The following MAGI3 variants were observed in gnomAD, a reference collection of about 807,000 sequenced individuals.
MAGI3 encodes the protein membrane-associated guanylate kinase, WW and PDZ domain-containing protein 3.
Under a neutral mutation model 121.8 loss-of-function variants are expected in MAGI3, and 43 were observed. The ratio of observed to expected loss-of-function variants is 0.35; its 90% CI spans 0.28 to 0.46. The LOEUF is 0.46. MAGI3 is among the 20% of genes least tolerant of loss of function. MAGI3 has a pLI of 1.00. For synonymous variants in MAGI3, 553 were observed against 639.3 expected (o/e 0.86, Z 2.04); for missense variants, 1,547 against 1,797.3 (o/e 0.86, Z 2.52).
chr1:113,445,072 T>C (rs1654104390), intron 1 of MAGI3, among the ~76,000 whole-genome samples: 1 of 151,654 alleles, frequency 6.6e-6, no homozygotes, highest in Non-Finnish European at 1.5e-5. Flanking sequence ...AAAGAAAAAA[T>C]ACTGAAGAAA....
At chr1:113,669,182 G>A (rs1258675503) in intron 16 of MAGI3, among the ~76,000 whole-genome samples, 5 of 152,126 alleles carry the variant, frequency 3.3e-5, no homozygotes, top group South Asian at 2.1e-4. Flanking sequence ...GAAGACAATC[G>A]AACTCTATAC....
intron 2 of MAGI3, among the ~76,000 whole-genome samples, chr1:113,555,705 C>T (rs559152905): frequency 1.4e-3 from 209 of 152,020 alleles, no homozygotes; most frequent in Non-Finnish European, 2.1e-3. Context: ...TTGAGACCAG[C>T]CTGGGCAACA....
At chr1:113,414,510 AT>A (rs1438403781) in intron 1 of MAGI3, among the ~76,000 whole-genome samples, 3 of 151,696 alleles carry the variant, frequency 2.0e-5, no homozygotes, top group African/African-American at 7.2e-5. Flanking sequence ...CTGGTCCTGG[AT>A]TTTTTTTGTT....
intron 9 of MAGI3, among the ~76,000 whole-genome samples, chr1:113,632,580 G>T (rs951648124): frequency 6.6e-6 from 1 of 152,172 alleles, no homozygotes; most frequent in Admixed American, 6.5e-5. Flanking sequence ...CCGTCAACTG[G>T]TAATGATTCT....
At chr1:113,415,192 A>G (rs12024544) in intron 1 of MAGI3, among the ~76,000 whole-genome samples, 3 of 152,206 alleles carry the variant, frequency 2.0e-5, no homozygotes, top group East Asian at 1.9e-4. Context: ...CAGAAGTAAT[A>G]CTAATAAAGT....
chr1:113,492,748 A>G (rs866847448), intron 1 of MAGI3, among the ~76,000 whole-genome samples: 1 of 152,196 alleles, frequency 6.6e-6, no homozygotes, highest in African/African-American at 2.4e-5. Flanking sequence ...TTATATACCA[A>G]CAACAGTCCA....
chr1:113,545,794 A>G (rs10745339), intron 1 of MAGI3, among the ~76,000 whole-genome samples: 34,053 of 152,136 alleles, frequency 0.22, 4,888 homozygotes, highest in East Asian at 0.65. Flanking sequence ...CCAAGGCGTA[A>G]TATTAGCATT....
At position 113,647,260 on chromosome 1, in the gene MAGI3, G is replaced by A. The variant is rs1176633675; in HGVS notation, c.2155+618G>A. On this transcript the variant is annotated intron_variant, in intron 12 of 20. Transcript: ENST00000307546. ...TTGGCAAGGAAAGTCACAGAGGAGA[G>A]CAGGAACAGATTGAGGAAGGCCAAT... Among the ~76,000 whole-genome samples, 6 of 152,208 alleles carry A rather than the reference G, an allele frequency of 3.9e-5. No individual in the cohort carries two copies. The East Asian group carries it at 1.2e-3, about 29-fold the overall frequency.
At chr1:113,465,889 G>GT (rs926300637) in intron 1 of MAGI3, among the ~76,000 whole-genome samples, 1 of 152,026 alleles carries the variant, frequency 6.6e-6, no homozygotes, top group Non-Finnish European at 1.5e-5. Flanking sequence ...TGTTCTAATA[G>GT]TTTTTTTGGT....
chr1:113,408,109 G>T (rs1651786489), intron 1 of MAGI3, among the ~76,000 whole-genome samples: 2 of 152,048 alleles, frequency 1.3e-5, no homozygotes, highest in South Asian at 2.1e-4. Context: ...CCCATGCAAG[G>T]CCCAGATACC....
chr1:113,486,809 G>A (rs556678516), intron 1 of MAGI3, among the ~76,000 whole-genome samples: 7 of 152,048 alleles, frequency 4.6e-5, no homozygotes, highest in Middle Eastern at 3.4e-3. Flanking sequence ...GTGCCACCAC[G>A]TGGCTTTATT....
chr1:113,601,927 A>G (rs1172777931), intron 6 of MAGI3, among the ~76,000 whole-genome samples: 1 of 151,016 alleles, frequency 6.6e-6, no homozygotes, highest in East Asian at 1.9e-4. Context: ...TTGTAGGGAC[A>G]TGGATGAAAT....
chr1:113,462,939 A>G (rs551074860), intron 1 of MAGI3, among the ~76,000 whole-genome samples: 100 of 152,302 alleles, frequency 6.6e-4, no homozygotes, highest in Non-Finnish European at 1.1e-3. Flanking sequence ...CCTGTAATAT[A>G]TCTTAGATTT....
At chr1:113,449,360 GGTGTGTGTGTGTGTGT>G (rs71087199) in intron 1 of MAGI3, among the ~76,000 whole-genome samples, 1 of 147,234 alleles carries the variant, frequency 6.8e-6, no homozygotes, top group East Asian at 2.0e-4. Context: ...TTACTTTTAT[GGTGTGTGTGTGTGTGT>G]GTGTGTGTGT....
intron 1 of MAGI3, 102 bp from the exon 2 acceptor site, chr1:113,549,413 G>T: frequency 5.2e-6 from 3 of 573,018 alleles, no homozygotes; most frequent in Non-Finnish European, 9.2e-6. Flanking sequence ...CCTGTTTATA[G>T]CTAACTGGTT....
At chr1:113,664,764 T>C (rs1653949747) in intron 16 of MAGI3, among the ~76,000 whole-genome samples, 1 of 152,232 alleles carries the variant, frequency 6.6e-6, no homozygotes, top group African/African-American at 2.4e-5. Context: ...TGTTGTCTTA[T>C]TATTTAATTT....
chr1:113,430,412 T>G (rs959088554), intron 1 of MAGI3, among the ~76,000 whole-genome samples: 2 of 152,206 alleles, frequency 1.3e-5, no homozygotes, highest in Non-Finnish European at 2.9e-5. Flanking sequence ...TACTGTAAAC[T>G]GAGACTTTTT....
At chr1:113,511,975 C>G (rs1657637403) in intron 1 of MAGI3, among the ~76,000 whole-genome samples, 1 of 152,198 alleles carries the variant, frequency 6.6e-6, no homozygotes, top group Non-Finnish European at 1.5e-5. Flanking sequence ...AACTCCCTTA[C>G]ATAACCAAAG....
chr1:113,544,199 T>C (rs11102651), intron 1 of MAGI3, among the ~76,000 whole-genome samples: 44,575 of 152,146 alleles, frequency 0.29, 7,354 homozygotes, highest in East Asian at 0.65. Flanking sequence ...AGGCTAATCT[T>C]ACCACTTTCA....
Sources: allele counts gnomAD v4.1 joint callset (sites outside exome capture counted in the v4.1 genomes callset), GRCh38; gene constraint gnomAD v4.1.1; transcripts MANE v1.5; gene names NCBI Gene and HGNC (gene_info 2026-07-23, HGNC 2026-07-21).